The following PSMA1 variants were observed in gnomAD, a reference collection of about 807,000 sequenced individuals.
The protein encoded by PSMA1 is proteasome subunit alpha type-1.
A neutral mutation model predicts 38.4 loss-of-function variants in PSMA1; 3 were observed. The ratio of observed to expected loss-of-function variants is 0.08; its 90% CI spans 0.04 to 0.20. The LOEUF is 0.20. Ranked by LOEUF, PSMA1 falls within the 10% of genes least tolerant of loss-of-function variation. The pLI is 1.00. For synonymous variants in PSMA1, 101 were observed against 107.1 expected (o/e 0.94, Z 0.35); for missense variants, 227 against 325.3 (o/e 0.70, Z 2.32).
intron 2 of PSMA1, among the ~76,000 whole-genome samples, chr11:14,570,702 T>C (rs948351804): frequency 1.3e-5 from 2 of 152,162 alleles, no homozygotes; most frequent in African/African-American, 4.8e-5. Flanking sequence ...TATGGGACTA[T>C]GTGAAAAGAC....
At chr11:14,536,905 G>C (rs1851716042) in intron 2 of PSMA1, among the ~76,000 whole-genome samples, 1 of 152,188 alleles carries the variant, frequency 6.6e-6, no homozygotes, top group South Asian at 2.1e-4. Flanking sequence ...GTGAGCCACC[G>C]CGCCCTGCCA....
chr11:14,643,144 G>T (rs1234312601), intron 1 of PSMA1, among the ~76,000 whole-genome samples: 1 of 150,570 alleles, frequency 6.6e-6, no homozygotes, highest in Non-Finnish European at 1.5e-5. Flanking sequence ...CCACGTGCAC[G>T]TTCCTCCCTA....
chr11:14,520,483 C>G (rs1036977861), upstream of PSMA1: 2 of 1,468,110 alleles, frequency 1.4e-6, no homozygotes, highest in Admixed American at 2.5e-5. Context: ...TAAAACTTTC[C>G]GACCGCTCGG....
chr11:14,551,263 C>T (rs1240845929), intron 2 of PSMA1, among the ~76,000 whole-genome samples: 1 of 152,024 alleles, frequency 6.6e-6, no homozygotes, highest in East Asian at 1.9e-4. Flanking sequence ...TTTATATATG[C>T]CATTATCAGG....
At chr11:14,617,659 T>C (rs1852790730) in intron 1 of PSMA1, among the ~76,000 whole-genome samples, 1 of 150,578 alleles carries the variant, frequency 6.6e-6, no homozygotes, top group Admixed American at 6.6e-5. Flanking sequence ...CCTTTTTTTT[T>C]GAAATATATA....
intron 2 of PSMA1, among the ~76,000 whole-genome samples, chr11:14,590,707 G>A (rs1852402800): frequency 6.6e-6 from 1 of 152,220 alleles, no homozygotes; most frequent in Non-Finnish European, 1.5e-5. Flanking sequence ...GCGGGGTCCA[G>A]TCTGTGCTCC....
chr11:14,543,138 G>C (rs543731922), intron 2 of PSMA1, among the ~76,000 whole-genome samples: 17 of 152,210 alleles, frequency 1.1e-4, no homozygotes, highest in Admixed American at 1.0e-3. Context: ...GCCAGAATAA[G>C]GTTTTTAAGA....
At chr11:14,538,916 T>C (rs1851741187) in intron 2 of PSMA1, among the ~76,000 whole-genome samples, 1 of 152,252 alleles carries the variant, frequency 6.6e-6, no homozygotes, top group South Asian at 2.1e-4. Flanking sequence ...GACTTACATT[T>C]AGCAAACAAG....
intron 2 of PSMA1, among the ~76,000 whole-genome samples, chr11:14,594,329 A>G (rs764205015): frequency 1.3e-5 from 2 of 152,186 alleles, no homozygotes; most frequent in Admixed American, 6.5e-5. Flanking sequence ...ATTTGGAAGG[A>G]GCACTACAAC....
At chr11:14,539,174 A>G (rs1851744406) in intron 2 of PSMA1, among the ~76,000 whole-genome samples, 1 of 152,364 alleles carries the variant, frequency 6.6e-6, no homozygotes, top group East Asian at 1.9e-4. Flanking sequence ...TTTTCTACAC[A>G]GAGAGATATT....
intron 2 of PSMA1, among the ~76,000 whole-genome samples, chr11:14,590,703 T>A (rs1852402771): frequency 6.6e-6 from 1 of 152,042 alleles, no homozygotes. Context: ...CGTAGCGGGG[T>A]CCAGTCTGTG....
At chr11:14,606,245 G>T (rs994199723) in intron 2 of PSMA1, among the ~76,000 whole-genome samples, 4 of 152,038 alleles carry the variant, frequency 2.6e-5, no homozygotes, top group Non-Finnish European at 5.9e-5. Context: ...ATGTGTTTCT[G>T]TACCAGTACC....
intron 1 of PSMA1, among the ~76,000 whole-genome samples, chr11:14,616,231 GTTT>G (rs34292683): frequency 1.6e-5 from 2 of 126,684 alleles, no homozygotes. Flanking sequence ...GATCCCAACA[GTTT>G]TTTTTTTTTT....
intron 7 of PSMA1, among the ~76,000 whole-genome samples, chr11:14,511,863 G>A: frequency 6.6e-6 from 1 of 152,048 alleles, no homozygotes; most frequent in South Asian, 2.1e-4. Flanking sequence ...ATGATCTTAG[G>A]AATCTATAAA....
intron 2 of PSMA1, among the ~76,000 whole-genome samples, chr11:14,566,682 G>T (rs1000599389): frequency 6.6e-6 from 1 of 152,090 alleles, no homozygotes. Flanking sequence ...AGAGACACAG[G>T]GAAAAATTCT....
At chr11:14,608,308 G>C (rs1246593204) in intron 2 of PSMA1, among the ~76,000 whole-genome samples, 3 of 151,950 alleles carry the variant, frequency 2.0e-5, no homozygotes, top group Non-Finnish European at 2.9e-5. Context: ...CTATGAGCCT[G>C]GGTGCACTTA....
At chr11:14,561,357 C>T (rs1200118885) in intron 2 of PSMA1, among the ~76,000 whole-genome samples, 3 of 152,192 alleles carry the variant, frequency 2.0e-5, no homozygotes, top group African/African-American at 7.2e-5. Context: ...TACATCTCCA[C>T]ATAGTTGCCT....
intron 2 of PSMA1, among the ~76,000 whole-genome samples, chr11:14,555,795 A>G (rs1469816115): frequency 6.6e-6 from 1 of 152,204 alleles, no homozygotes; most frequent in African/African-American, 2.4e-5. Flanking sequence ...CTAAGAAAAT[A>G]TTGTTCACAG....
chr11:14,509,738 G>A lies in PSMA1; in HGVS notation c.624+1134C>T, dbSNP rs562341054. ...GTTTTTTTTTTTTTTTTTTTGAGACGGAGTCTCGCTCTGTCGCCCAGGCTG... is the reference window on the plus strand; with the variant it reads ...GTTTTTTTTTTTTTTTTTTTGAGACAGAGTCTCGCTCTGTCGCCCAGGCTG... On this transcript the variant is annotated intron_variant, in intron 8 of 9. Coordinates refer to ENST00000396394, the MANE Select transcript of PSMA1 (RefSeq NM_002786.4). Among the ~76,000 whole-genome samples the A allele has an allele frequency of 2.1e-3, 260 of 124,028 alleles. 7 individuals are homozygous for A. In the East Asian group the frequency reaches 0.049, roughly 23 times the overall value. 81.4% of individuals were successfully genotyped at this position (124,028 alleles called of 152,430 possible). A position where few individuals can be genotyped will look rare whatever the true frequency, so the allele number is the denominator to read the frequency against.
Sources: gnomAD v4.1 joint callset for allele counts (sites outside exome capture counted in the v4.1 genomes callset) on GRCh38, gnomAD v4.1.1 for gene constraint, MANE v1.5 for transcripts, NCBI Gene and HGNC (gene_info 2026-07-23, HGNC 2026-07-21) for gene names.